The following CLOCK variants were observed in gnomAD, a reference collection of about 807,000 sequenced individuals.
The protein encoded by CLOCK is clock circadian regulator, also known as circadian locomoter output cycles protein kaput.
Under a neutral mutation model 118.4 loss-of-function variants are expected in CLOCK, and 43 were observed. The ratio of observed to expected loss-of-function variants is 0.36; its 90% CI spans 0.28 to 0.47. The LOEUF (loss-of-function observed/expected upper bound fraction) is 0.47, where lower values mean the gene tolerates loss of function less well. Ranked by LOEUF, CLOCK falls within the 20% of genes least tolerant of loss-of-function variation. The pLI is 1.00. For synonymous variants in CLOCK, 326 were observed against 339.2 expected (o/e 0.96, Z 0.43); for missense variants, 846 against 999.9 (o/e 0.85, Z 2.08).
chr4:55,497,141 C>T (rs1728135197), intron 2 of CLOCK, among the ~76,000 whole-genome samples: 2 of 152,090 alleles, frequency 1.3e-5, no homozygotes. Flanking sequence ...GGGCTAAAAC[C>T]GAGGTGTTGG....
In CLOCK at chr4:55,478,851, G is replaced by T; in HGVS notation, c.220C>A (p.Leu74Met). The change falls in exon 6 of 23, where the codon CTG becomes ATG. Residue 74 changes from leucine (L) to methionine (M), a missense_variant. Around this residue, in one of 4 missense-constraint regions of CLOCK, gnomAD observed 246 missense variants for 300.2 expected, o/e 0.82. Coordinates refer to ENST00000513440, the MANE Select transcript of CLOCK (RefSeq NM_004898.4). ...NARKMDKSTV[L>M]QKSIDFLRKH... ...CGTAAAAAATCAATGCTTTTCTGCA[G>T]AACAGTAGATTTGTCCATCTTTCTA... is the stretch of plus-strand genomic sequence containing the variant. 6.2e-7 allele frequency: 1 copy of T among 1,612,842 alleles called. No homozygotes were observed. Among genetic ancestry groups the T allele is most frequent in the South Asian group, 1.1e-5 (1 of 90,984 alleles).
At chr4:55,512,653 T>C (rs529707236) in intron 1 of CLOCK, among the ~76,000 whole-genome samples, 1 of 152,216 alleles carries the variant, frequency 6.6e-6, no homozygotes, top group African/African-American at 2.4e-5. Context: ...CCCAGTCATC[T>C]AGATATTCTC....
At chr4:55,517,222 T>C (rs1729571560) in intron 1 of CLOCK, among the ~76,000 whole-genome samples, 2 of 152,102 alleles carry the variant, frequency 1.3e-5, no homozygotes, top group African/African-American at 4.8e-5. Context: ...TAGTGTAAGA[T>C]TCTTTTGGCC....
intron 1 of CLOCK, chr4:55,546,332 G>A (rs1241294837): frequency 6.6e-6 from 1 of 152,444 alleles, no homozygotes; most frequent in Non-Finnish European, 1.5e-5. Flanking sequence ...CTCTCAGGCA[G>A]GGCGGGCCTC....
chr4:55,453,887 C>G (rs1346687638), intron 13 of CLOCK, 63 bp from the exon 14 acceptor site: 1 of 1,252,320 alleles, frequency 8.0e-7, no homozygotes, highest in Non-Finnish European at 1.1e-6. Context: ...TGTTTTTTAA[C>G]CAAAAGCTAT....
intron 1 of CLOCK, among the ~76,000 whole-genome samples, chr4:55,522,791 A>G (rs143962549): frequency 1.4e-4 from 22 of 152,312 alleles, no homozygotes; most frequent in African/African-American, 4.8e-4. Flanking sequence ...GCACATGTAC[A>G]CACACAAATA....
chr4:55,462,557 G>C (rs1027336455), intron 9 of CLOCK, among the ~76,000 whole-genome samples: 11 of 152,152 alleles, frequency 7.2e-5, no homozygotes, highest in African/African-American at 2.7e-4. Context: ...GGGATTACAG[G>C]CATGAGCTAC....
Position 55,443,878 on chromosome 4 carries a change from T to C in CLOCK, c.1711A>G (p.Asn571Asp). 6.2e-7 allele frequency: 1 copy of C among 1,612,788 alleles called. No homozygotes were observed. Among genetic ancestry groups the C allele is most frequent in the Non-Finnish European group, 8.5e-7 (1 of 1,179,914 alleles). The stretch of plus-strand genomic sequence containing the variant: ...ACGGAACCAAAATTCAACCCAGGAT[T>C]TGATTGTTGCAAAAACATCTTTAAA... Reference protein sequence around the residue: ...QGLQMFLQQSNPGLNFGSVQL... With the variant: ...QGLQMFLQQSDPGLNFGSVQL... The change falls in exon 20 of 23, where the codon AAT becomes GAT. Residue 571 changes from asparagine (N) to aspartate (D), a missense_variant. This residue lies in a region of CLOCK where 520 missense variants were observed against 558.0 expected (regional missense o/e 0.93). Transcript: ENST00000513440.
At chr4:55,482,147 C>T (rs904043478) in intron 4 of CLOCK, among the ~76,000 whole-genome samples, 2 of 152,034 alleles carry the variant, frequency 1.3e-5, no homozygotes, top group African/African-American at 4.8e-5. Flanking sequence ...GTTTTTCATG[C>T]GGGTAGACTA....
chr4:55,468,641 T>G (rs1725900932), intron 8 of CLOCK, among the ~76,000 whole-genome samples: 1 of 152,214 alleles, frequency 6.6e-6, no homozygotes, highest in Admixed American at 6.5e-5. Context: ...AGAAAAATAT[T>G]TACAAGTTGC....
chr4:55,449,350 C>G (rs1440737009), intron 17 of CLOCK, 46 bp downstream of exon 17: 3 of 1,490,824 alleles, frequency 2.0e-6, no homozygotes, highest in Middle Eastern at 3.5e-4. Context: ...CATTTTTCCC[C>G]TCTTAATAAA....
At position 55,539,090 on chromosome 4, in the gene CLOCK, C is replaced by T. The variant is rs141927050; in HGVS notation, c.-290+7692G>A. ...TCTACTAAAAATACAAAAAATTTAG[C>T]TGGGTATGGTAGCACATGCCTGTAA... On this transcript the variant is annotated intron_variant, in intron 1 of 22. Transcript: ENST00000513440. Among the ~76,000 whole-genome samples, 997 of 152,150 alleles carry T rather than the reference C, an allele frequency of 6.6e-3. 17 individuals carry two copies. Among genetic ancestry groups the T allele is most frequent in the African/African-American group, 0.022 (926 of 41,508 alleles).
intron 1 of CLOCK, among the ~76,000 whole-genome samples, chr4:55,546,322 C>T (rs1488940): frequency 0.043 from 6,552 of 152,198 alleles, 447 homozygotes; most frequent in African/African-American, 0.15. Flanking sequence ...CCCAGAGGGC[C>T]TCTCAGGCAG....
chr4:55,446,487 T>C (rs535628031), intron 18 of CLOCK, among the ~76,000 whole-genome samples: 22 of 152,180 alleles, frequency 1.4e-4, no homozygotes, highest in Non-Finnish European at 2.6e-4. Flanking sequence ...TTACCCAAAG[T>C]TGCAAAAATC....
At chr4:55,527,313 TG>T (rs1730269289) in intron 1 of CLOCK, among the ~76,000 whole-genome samples, 1 of 152,176 alleles carries the variant, frequency 6.6e-6, no homozygotes, top group African/African-American at 2.4e-5. Context: ...AAGTAGGTGA[TG>T]GGTACATAGG....
At chr4:55,463,421 C>T (rs961103909) in intron 9 of CLOCK, among the ~76,000 whole-genome samples, 24 of 151,966 alleles carry the variant, frequency 1.6e-4, no homozygotes, top group Non-Finnish European at 2.5e-4. Flanking sequence ...CTCACTTTTG[C>T]ATAAAATACA....
intron 1 of CLOCK, among the ~76,000 whole-genome samples, chr4:55,544,281 T>G (rs1731470910): frequency 6.6e-6 from 1 of 152,000 alleles, no homozygotes; most frequent in Non-Finnish European, 1.5e-5. Context: ...CAAACTAACC[T>G]AGACAATCAA....
At position 55,428,315 on chromosome 4, in the gene CLOCK, A is replaced by ATTG. The variant is rs1445917395; in HGVS notation, c.*7097_*7099dup. On this transcript the variant is annotated 3_prime_UTR_variant, in exon 23 of 23. Coordinates refer to ENST00000513440, the MANE Select transcript of CLOCK (RefSeq NM_004898.4). Reference sequence around the variant, plus strand: ...TAGCTTTGAAAAACAAGTGTAACCAATTGTTACACCAAATTAAAATGGCAA... The same window carrying ATTG: ...TAGCTTTGAAAAACAAGTGTAACCAATTGTTGTTACACCAAATTAAAATGGCAA... 1.3e-5 allele frequency: 2 copies of ATTG among 152,202 alleles called. No individual in the cohort carries two copies. The highest frequency in any genetic ancestry group is 2.4e-5 in the African/African-American group (1 of 41,454). 9.4% of individuals were successfully genotyped at this position (152,202 alleles called of 1,614,324 possible).
At chr4:55,456,149 T>C in intron 12 of CLOCK, 69 bp downstream of exon 12, 1 of 1,383,118 alleles carries the variant, frequency 7.2e-7, no homozygotes, top group South Asian at 1.3e-5. Flanking sequence ...AGTTTGCCCT[T>C]GATCCATTAA....
Sources: allele counts gnomAD v4.1 joint callset (sites outside exome capture counted in the v4.1 genomes callset), GRCh38; gene constraint gnomAD v4.1.1; regional missense constraint gnomAD v4.1.1; transcripts MANE v1.5; gene names NCBI Gene and HGNC (gene_info 2026-07-23, HGNC 2026-07-21).